STARD13: variants seen among roughly 807,000 people sequenced by gnomAD.
STARD13 encodes StAR related lipid transfer domain containing 13, also known as stAR-related lipid transfer protein 13.
STARD13 carries 62 observed loss-of-function variants against 106.4 expected under a neutral mutation model. The observed-to-expected ratio is 0.58, with a 90% CI of 0.48 to 0.72. The LOEUF (loss-of-function observed/expected upper bound fraction) is 0.72. Ranked by LOEUF, STARD13 falls within the 30% of genes least tolerant of loss-of-function variation. STARD13 has a pLI of 0.00. For missense variants in STARD13, 1,387 were observed against 1,424.0 expected, an observed-to-expected ratio of 0.97 and a Z score of 0.42; for synonymous variants, 565 against 553.0, an observed-to-expected ratio of 1.02 and a Z score of -0.31.
At chr13:33,563,307 C>G in the STARD13 span, among the ~76,000 whole-genome samples, 1 of 146,564 alleles carries the variant, frequency 6.8e-6, no homozygotes, top group Non-Finnish European at 1.5e-5. Flanking sequence ...TGGAGGCAAC[C>G]CACTACCTTG....
chr13:33,536,876 A>G, the STARD13 span, among the ~76,000 whole-genome samples: 2 of 152,232 alleles, frequency 1.3e-5, no homozygotes, highest in African/African-American at 2.4e-5. Flanking sequence ...TTTGTCATAC[A>G]GTCTTAGTGA....
At chr13:33,161,520 G>T (rs192638589) in intron 3 of STARD13, among the ~76,000 whole-genome samples, 73 of 152,084 alleles carry the variant, frequency 4.8e-4, no homozygotes, top group East Asian at 4.1e-3. Context: ...TCACTGTGTT[G>T]CCCAGGCTGG....
chr13:33,263,290 C>T (rs1890737885), intron 1 of STARD13, among the ~76,000 whole-genome samples: 4 of 152,078 alleles, frequency 2.6e-5, no homozygotes, highest in Admixed American at 2.6e-4. Context: ...CAGATATTAC[C>T]AAATGTTCCC....
chr13:33,332,034 T>C (rs931897498), intron 1 of STARD13, among the ~76,000 whole-genome samples: 5 of 152,156 alleles, frequency 3.3e-5, no homozygotes, highest in Non-Finnish European at 7.4e-5. Flanking sequence ...TTTTACATCA[T>C]AAACCAGGTG....
At chr13:33,378,756 C>T in the STARD13 span, among the ~76,000 whole-genome samples, 4 of 149,962 alleles carry the variant, frequency 2.7e-5, no homozygotes, top group Non-Finnish European at 5.9e-5. Context: ...CACCACTGCA[C>T]TCTAGCCTGG....
intron 1 of STARD13, among the ~76,000 whole-genome samples, chr13:33,324,256 A>G (rs567972148): frequency 3.3e-5 from 5 of 152,286 alleles, no homozygotes; most frequent in African/African-American, 1.2e-4. Flanking sequence ...ATTCGAAAAC[A>G]TTTGCTAAGG....
At chr13:33,481,969 C>G in the STARD13 span, among the ~76,000 whole-genome samples, 238 of 139,074 alleles carry the variant, frequency 1.7e-3, no homozygotes, top group African/African-American at 6.0e-3. Flanking sequence ...GGCTACAGAG[C>G]GAGACTCCGT....
chr13:33,662,244 A>C, the STARD13 span, among the ~76,000 whole-genome samples: 19 of 150,898 alleles, frequency 1.3e-4, no homozygotes, highest in East Asian at 3.5e-3. Flanking sequence ...CCTGGGCGAC[A>C]GAGCAAGACC....
intron 1 of STARD13, among the ~76,000 whole-genome samples, chr13:33,309,691 C>T (rs1001163942): frequency 1.1e-4 from 17 of 152,164 alleles, no homozygotes; most frequent in Admixed American, 9.2e-4. Flanking sequence ...CCACTCAGGA[C>T]ATTTGCCACA....
chr13:33,628,174 CACACACACACACACACA>C, the STARD13 span, among the ~76,000 whole-genome samples: 1 of 151,486 alleles, frequency 6.6e-6, no homozygotes, highest in African/African-American at 2.4e-5. Flanking sequence ...CACACACACA[CACACACACACACACACA>C]CCACATGCAT....
chr13:33,535,962 C>G, the STARD13 span, among the ~76,000 whole-genome samples: 24 of 152,154 alleles, frequency 1.6e-4, no homozygotes, highest in Admixed American at 5.9e-4. Context: ...ACACAGAGGT[C>G]AGGCTTACAC....
chr13:33,390,692 G>A, the STARD13 span, among the ~76,000 whole-genome samples: 10 of 152,232 alleles, frequency 6.6e-5, no homozygotes, highest in East Asian at 1.9e-4. Flanking sequence ...GGAAGAGAGC[G>A]AGCTCCCATT....
the STARD13 span, among the ~76,000 whole-genome samples, chr13:33,599,699 T>G: frequency 6.6e-6 from 1 of 152,044 alleles, no homozygotes; most frequent in South Asian, 2.1e-4. Flanking sequence ...GAACTAGCGC[T>G]ATGAGAGAGA....
chr13:33,474,268 T>TG, the STARD13 span, among the ~76,000 whole-genome samples: 1 of 152,174 alleles, frequency 6.6e-6, no homozygotes, highest in South Asian at 2.1e-4. Flanking sequence ...CTTTGGACTC[T>TG]GGGGAGATAT....
chr13:33,417,371 C>G, the STARD13 span, among the ~76,000 whole-genome samples: 2 of 152,164 alleles, frequency 1.3e-5, no homozygotes, highest in African/African-American at 4.8e-5. Context: ...TCCTTCTAAC[C>G]TGACTGTTAG....
At chr13:33,437,379 A>G in the STARD13 span, among the ~76,000 whole-genome samples, 1 of 152,304 alleles carries the variant, frequency 6.6e-6, no homozygotes, top group South Asian at 2.1e-4. Flanking sequence ...TCGGCTCTTG[A>G]GACAGGAGTC....
the STARD13 span, among the ~76,000 whole-genome samples, chr13:33,576,672 C>A: frequency 0.076 from 11,604 of 152,198 alleles, 579 homozygotes; most frequent in East Asian, 0.26. Flanking sequence ...AAATATTATT[C>A]TTCTCAGTTA....
chr13:33,676,104 C>T, the STARD13 span, among the ~76,000 whole-genome samples: 1 of 152,102 alleles, frequency 6.6e-6, no homozygotes, highest in South Asian at 2.1e-4. Flanking sequence ...TTTAATTTGC[C>T]GCAATCACAG....
the STARD13 span, among the ~76,000 whole-genome samples, chr13:33,430,152 A>C: frequency 2.6e-5 from 4 of 152,232 alleles, no homozygotes; most frequent in East Asian, 5.8e-4. Context: ...CTCCTGACCT[A>C]GTGATCCACC....
Sources: allele counts gnomAD v4.1 joint callset (sites outside exome capture counted in the v4.1 genomes callset), GRCh38; gene constraint gnomAD v4.1.1; transcripts MANE v1.5; gene names NCBI Gene and HGNC (gene_info 2026-07-23, HGNC 2026-07-21).